ADAMTSL1: variants seen among roughly 807,000 people sequenced by gnomAD.
ADAMTSL1 encodes ADAMTS-like protein 1.
Under a neutral mutation model 201.8 loss-of-function variants are expected in ADAMTSL1, and 126 were observed. That is an observed-to-expected ratio of 0.62 (90% CI 0.54 to 0.72). The LOEUF is 0.72. Ranked by LOEUF, ADAMTSL1 falls within the 30% of genes least tolerant of loss-of-function variation. ADAMTSL1 has a pLI of 0.00. For missense variants in ADAMTSL1, 2,679 were observed against 2,277.8 expected, an observed-to-expected ratio of 1.18 and a Z score of -3.59; for synonymous variants, 1,121 against 903.4, an observed-to-expected ratio of 1.24 and a Z score of -4.32.
intron 1 of ADAMTSL1, among the ~76,000 whole-genome samples, chr9:18,053,147 G>A (rs999298969): frequency 6.6e-6 from 1 of 152,186 alleles, no homozygotes. Flanking sequence ...CTTTGAGCTT[G>A]AGAACTTTTT....
chr9:18,171,759 C>T (rs771427751), intron 2 of ADAMTSL1, among the ~76,000 whole-genome samples: 1 of 152,058 alleles, frequency 6.6e-6, no homozygotes, highest in Non-Finnish European at 1.5e-5. Context: ...TTGCCCATGC[C>T]TATGTCCTGA....
chr9:18,130,743 TC>T (rs1277357217), intron 1 of ADAMTSL1, among the ~76,000 whole-genome samples: 3 of 152,158 alleles, frequency 2.0e-5, no homozygotes, highest in Admixed American at 6.5e-5. Context: ...GAACTTTTTT[TC>T]TTTTTTTAAC....
At chr9:18,283,044 G>C (rs1832854390) in intron 2 of ADAMTSL1, among the ~76,000 whole-genome samples, 1 of 152,190 alleles carries the variant, frequency 6.6e-6, no homozygotes, top group South Asian at 2.1e-4. Flanking sequence ...TTTAAAAGAA[G>C]AGAATTGAAA....
At chr9:18,127,359 A>C (rs1253441568) in intron 1 of ADAMTSL1, among the ~76,000 whole-genome samples, 1 of 152,156 alleles carries the variant, frequency 6.6e-6, no homozygotes, top group Non-Finnish European at 1.5e-5. Context: ...ATGTAAAATG[A>C]CTATGGGTGT....
intron 1 of ADAMTSL1, among the ~76,000 whole-genome samples, chr9:18,078,391 T>C (rs2131761103): frequency 6.6e-6 from 1 of 152,272 alleles, no homozygotes; most frequent in Middle Eastern, 3.4e-3. Context: ...GTTGAGTTTC[T>C]ACATTTCATC....
At chr9:17,920,264 T>C (rs1439972321) in intron 1 of ADAMTSL1, among the ~76,000 whole-genome samples, 1 of 152,182 alleles carries the variant, frequency 6.6e-6, no homozygotes, top group Non-Finnish European at 1.5e-5. Context: ...TCCTTTGCCC[T>C]GCTAGCATTC....
At chr9:18,604,534 G>C (rs1587689839) in intron 4 of ADAMTSL1, among the ~76,000 whole-genome samples, 2 of 151,968 alleles carry the variant, frequency 1.3e-5, no homozygotes, top group East Asian at 3.9e-4. Flanking sequence ...TTTTTGTCTG[G>C]TTTATTTTAC....
At chr9:18,673,904 G>T (rs1425374482) in intron 9 of ADAMTSL1, among the ~76,000 whole-genome samples, 1 of 151,968 alleles carries the variant, frequency 6.6e-6, no homozygotes, top group Non-Finnish European at 1.5e-5. Context: ...AAGAGGATTG[G>T]CATTCTTTAA....
chr9:18,819,731 C>T (rs1341803343), intron 21 of ADAMTSL1, among the ~76,000 whole-genome samples: 8 of 152,168 alleles, frequency 5.3e-5, no homozygotes. Context: ...ATCCATAAAA[C>T]CATCTGTATT....
chr9:18,857,031 A>G (rs1826901003), intron 23 of ADAMTSL1, among the ~76,000 whole-genome samples: 1 of 152,168 alleles, frequency 6.6e-6, no homozygotes, highest in Admixed American at 6.5e-5. Flanking sequence ...CTGAGGTCTC[A>G]GTGGATAGAG....
chr9:18,607,176 G>C (rs2132577729), intron 4 of ADAMTSL1, among the ~76,000 whole-genome samples: 1 of 152,282 alleles, frequency 6.6e-6, no homozygotes, highest in Admixed American at 6.5e-5. Context: ...AGTAAGAAAT[G>C]TGTTCATCTC....
intron 4 of ADAMTSL1, among the ~76,000 whole-genome samples, chr9:18,601,806 C>G (rs1185872547): frequency 1.3e-5 from 2 of 151,140 alleles, no homozygotes; most frequent in African/African-American, 4.9e-5. Context: ...TGTAATGTAG[C>G]ATATCTATAC....
At chr9:17,928,373 C>T (rs888140985) in intron 1 of ADAMTSL1, among the ~76,000 whole-genome samples, 43 of 152,130 alleles carry the variant, frequency 2.8e-4, no homozygotes, top group African/African-American at 1.0e-3. Context: ...ATCCAGGAAA[C>T]AGTTCTTTTT....
At chr9:18,001,494 G>C (rs1004068371) in intron 1 of ADAMTSL1, among the ~76,000 whole-genome samples, 1 of 152,014 alleles carries the variant, frequency 6.6e-6, no homozygotes, top group African/African-American at 2.4e-5. Context: ...AATTGAAATA[G>C]AAAGCTACTG....
At chr9:18,843,055 G>C (rs1297938811) in intron 23 of ADAMTSL1, among the ~76,000 whole-genome samples, 1 of 151,826 alleles carries the variant, frequency 6.6e-6, no homozygotes, top group Non-Finnish European at 1.5e-5. Context: ...ATATTGTTAT[G>C]TGTGAATCTG....
chr9:18,556,416 A>C (rs1821112985), intron 3 of ADAMTSL1, among the ~76,000 whole-genome samples: 1 of 152,044 alleles, frequency 6.6e-6, no homozygotes, highest in African/African-American at 2.4e-5. Flanking sequence ...TTAATCATGC[A>C]AATCTTACTC....
intron 23 of ADAMTSL1, among the ~76,000 whole-genome samples, chr9:18,832,606 A>G (rs1825060384): frequency 6.6e-6 from 1 of 152,226 alleles, no homozygotes; most frequent in South Asian, 2.1e-4. Flanking sequence ...GTGGAAATAC[A>G]TGGCAAAGAT....
intron 2 of ADAMTSL1, among the ~76,000 whole-genome samples, chr9:18,178,686 G>T (rs914972321): frequency 4.6e-5 from 7 of 151,388 alleles, no homozygotes; most frequent in South Asian, 2.1e-4. Flanking sequence ...ATCTGAGAAC[G>T]GGCAGACTGC....
At chr9:18,567,760 T>A (rs1822012433) in intron 3 of ADAMTSL1, among the ~76,000 whole-genome samples, 1 of 152,216 alleles carries the variant, frequency 6.6e-6, no homozygotes, top group Admixed American at 6.5e-5. Context: ...AATGCATGTA[T>A]CTATGTACTT....
Sources: gnomAD v4.1 joint callset for allele counts (sites outside exome capture counted in the v4.1 genomes callset) on GRCh38, gnomAD v4.1.1 for gene constraint, MANE v1.5 for transcripts, NCBI Gene and HGNC (gene_info 2026-07-23, HGNC 2026-07-21) for gene names.